The following FNDC3A variants were observed in gnomAD, a reference collection of about 807,000 sequenced individuals.
FNDC3A encodes the protein fibronectin type-III domain-containing protein 3A.
FNDC3A carries 32 observed loss-of-function variants against 148.9 expected under a neutral mutation model. The observed-to-expected ratio is 0.21, with a 90% CI of 0.16 to 0.29. FNDC3A has a LOEUF of 0.29. FNDC3A is among the 10% of genes least tolerant of loss of function. The pLI, the probability that FNDC3A is intolerant of heterozygous loss-of-function variation, is 1.00. For missense variants in FNDC3A, 1,191 were observed against 1,452.8 expected (o/e 0.82, Z 2.93); for synonymous variants, 472 against 473.6 (o/e 1.00, Z 0.04).
intron 2 of FNDC3A, among the ~76,000 whole-genome samples, chr13:49,018,273 G>C (rs142935537): frequency 6.5e-4 from 99 of 152,132 alleles, no homozygotes; most frequent in African/African-American, 1.9e-3. Context: ...TCACATAGTC[G>C]CATATTTCTT....
At chr13:49,012,581 C>T (rs2137614582) in intron 2 of FNDC3A, among the ~76,000 whole-genome samples, 1 of 152,106 alleles carries the variant, frequency 6.6e-6, no homozygotes, top group Middle Eastern at 3.4e-3. Flanking sequence ...CACACAACAC[C>T]TGCTGAGTTT....
At chr13:49,082,198 C>T (rs956628409) in intron 3 of FNDC3A, among the ~76,000 whole-genome samples, 4 of 151,854 alleles carry the variant, frequency 2.6e-5, no homozygotes, top group Non-Finnish European at 5.9e-5. Flanking sequence ...CCAGTTGGAC[C>T]AACATGATGA....
chr13:49,000,219 T>C (rs115585624), intron 1 of FNDC3A, among the ~76,000 whole-genome samples: 31 of 152,360 alleles, frequency 2.0e-4, no homozygotes, highest in African/African-American at 7.2e-4. Context: ...GTTTGGTTCT[T>C]ACATTTGGAT....
intron 1 of FNDC3A, among the ~76,000 whole-genome samples, chr13:48,985,351 C>T (rs1951768743): frequency 6.6e-6 from 1 of 152,124 alleles, no homozygotes; most frequent in Non-Finnish European, 1.5e-5. Flanking sequence ...CAGTATCTAT[C>T]CATTTCAAAT....
chr13:49,053,537 A>T (rs756517931), intron 2 of FNDC3A, among the ~76,000 whole-genome samples: 4 of 152,138 alleles, frequency 2.6e-5, no homozygotes, highest in African/African-American at 4.8e-5. Flanking sequence ...CATGTGAGGC[A>T]TACAGTGGTT....
intron 2 of FNDC3A, among the ~76,000 whole-genome samples, chr13:49,047,074 C>G (rs148666527): frequency 6.4e-4 from 98 of 151,950 alleles, no homozygotes; most frequent in African/African-American, 2.0e-3. Flanking sequence ...CATATGTTTG[C>G]TTTTCCATTC....
At chr13:49,181,098 T>C (rs1264907098) in intron 14 of FNDC3A, among the ~76,000 whole-genome samples, 1 of 152,094 alleles carries the variant, frequency 6.6e-6, no homozygotes, top group African/African-American at 2.4e-5. Flanking sequence ...TATTAACTAA[T>C]TAATTAAAGT....
chr13:49,086,728 A>AT (rs1878840825), intron 3 of FNDC3A, among the ~76,000 whole-genome samples: 1 of 152,130 alleles, frequency 6.6e-6, no homozygotes, highest in South Asian at 2.1e-4. Flanking sequence ...CCATTAGAAA[A>AT]TTTTTTGAAG....
chr13:49,048,140 C>G (rs1461691572), intron 2 of FNDC3A, among the ~76,000 whole-genome samples: 1 of 152,070 alleles, frequency 6.6e-6, no homozygotes, highest in Non-Finnish European at 1.5e-5. Context: ...TATTCTACTC[C>G]AATGATCTGT....
chr13:49,017,733 C>G (rs538592540), intron 2 of FNDC3A, among the ~76,000 whole-genome samples: 1 of 152,148 alleles, frequency 6.6e-6, no homozygotes, highest in South Asian at 2.1e-4. Context: ...TTTGCAGCAG[C>G]TGGTCCTGGT....
chr13:49,129,336 C>G (rs1881890319), intron 4 of FNDC3A, among the ~76,000 whole-genome samples: 1 of 152,152 alleles, frequency 6.6e-6, no homozygotes. Context: ...GTTAATGGTT[C>G]AGGATTTGTT....
At chr13:49,132,214 G>C (rs1271741100) in intron 5 of FNDC3A, among the ~76,000 whole-genome samples, 1 of 152,070 alleles carries the variant, frequency 6.6e-6, no homozygotes, top group African/African-American at 2.4e-5. Context: ...CTCTTGCCAG[G>C]ACAACTGCAA....
chr13:49,169,797 T>C (rs1884660996), intron 10 of FNDC3A, among the ~76,000 whole-genome samples: 1 of 152,222 alleles, frequency 6.6e-6, no homozygotes, highest in Admixed American at 6.5e-5. Context: ...GGATATTAGA[T>C]ACTTTTGTAG....
intron 6 of FNDC3A, 142 bp downstream of exon 6, chr13:49,136,743 C>G: frequency 1.4e-6 from 1 of 712,558 alleles, no homozygotes; most frequent in Middle Eastern, 4.1e-4. Context: ...GTTTGGAAAG[C>G]CTCAATTAGT....
rs532681629 is a variant in FNDC3A at position 49,023,176 on chromosome 13, C to A, written c.99+16887C>A. On this transcript the variant is annotated intron_variant, in intron 2 of 25. Transcript: ENST00000492622. Reference sequence around the variant, plus strand: ...AAAATATCAGTCAGGAACAGAGTTACAAAGAATGCAGACTGGAATTTAGTT... The same window carrying A: ...AAAATATCAGTCAGGAACAGAGTTAAAAAGAATGCAGACTGGAATTTAGTT... 4.6e-5 allele frequency among the ~76,000 whole-genome samples: 7 copies of A among 151,966 alleles called. No individual in the cohort carries two copies. The South Asian group carries it at 1.5e-3, about 32-fold the overall frequency.
chr13:49,013,731 A>G (rs1248093374), intron 2 of FNDC3A, among the ~76,000 whole-genome samples: 2 of 133,592 alleles, frequency 1.5e-5, no homozygotes, highest in African/African-American at 5.5e-5. Context: ...ATATCTCCCA[A>G]TGCTATCCCT....
At chr13:49,120,807 T>C (rs1477079452) in intron 4 of FNDC3A, among the ~76,000 whole-genome samples, 1 of 152,152 alleles carries the variant, frequency 6.6e-6, no homozygotes, top group African/African-American at 2.4e-5. Context: ...ATCCTAAATA[T>C]ATATGAACCC....
At chr13:49,062,960 A>G (rs769506100) in intron 2 of FNDC3A, among the ~76,000 whole-genome samples, 3 of 152,160 alleles carry the variant, frequency 2.0e-5, no homozygotes, top group Non-Finnish European at 4.4e-5. Flanking sequence ...AGGTCTGTTT[A>G]TCTTCATTTG....
chr13:49,198,933 T>G (rs985171951), intron 23 of FNDC3A, among the ~76,000 whole-genome samples: 5 of 152,212 alleles, frequency 3.3e-5, no homozygotes, highest in African/African-American at 1.2e-4. Context: ...TTTGGTTGTT[T>G]TCTGTAATCC....
Sources: allele counts gnomAD v4.1 joint callset (sites outside exome capture counted in the v4.1 genomes callset), GRCh38; gene constraint gnomAD v4.1.1; transcripts MANE v1.5; gene names NCBI Gene and HGNC (gene_info 2026-07-23, HGNC 2026-07-21).